Variants in BRD4 observed in about 807,000 individuals in gnomAD.
BRD4 encodes bromodomain-containing protein 4.
Under a neutral mutation model 142.1 loss-of-function variants are expected in BRD4, and 16 were observed. The ratio of observed to expected loss-of-function variants is 0.11; its 90% CI spans 0.08 to 0.17. The LOEUF (loss-of-function observed/expected upper bound fraction) is 0.17. Among genes scored for constraint, BRD4 ranks in the 10% least tolerant of loss-of-function variants. The pLI, the probability that BRD4 is intolerant of heterozygous loss-of-function variation, is 1.00. For synonymous variants in BRD4, 833 were observed against 707.5 expected (o/e 1.18, Z -2.82); for missense variants, 1,424 against 1,810.9 (o/e 0.79, Z 3.88).
chr19:15,310,322 T>G (rs1277091779), intron 1 of BRD4, among the ~76,000 whole-genome samples: 1 of 115,422 alleles, frequency 8.7e-6, no homozygotes, highest in Non-Finnish European at 1.6e-5. Context: ...ACTGGAACTA[T>G]AGGAGCATGG....
chr19:15,288,830 G>C (rs1196353046), intron 1 of BRD4, among the ~76,000 whole-genome samples: 1 of 152,206 alleles, frequency 6.6e-6, no homozygotes, highest in South Asian at 2.1e-4. Flanking sequence ...TGGCACCAGA[G>C]AGAACACGCA....
intron 7 of BRD4, among the ~76,000 whole-genome samples, chr19:15,257,814 G>A (rs1173524428): frequency 6.6e-6 from 1 of 152,184 alleles, no homozygotes. Flanking sequence ...GAGAGGTTTA[G>A]GCAGCAGGTG....
chr19:15,240,119 C>T, intron 14 of BRD4, 97 bp from the exon 15 acceptor site: 1 of 1,470,198 alleles, frequency 6.8e-7, no homozygotes, highest in Non-Finnish European at 9.0e-7. Context: ...TATGGAGAAA[C>T]TGCATGTGCC....
chr19:15,280,150 TTCA>T (rs2047691720), intron 1 of BRD4: 2 of 688,272 alleles, frequency 2.9e-6, no homozygotes, highest in South Asian at 6.5e-5. Context: ...CTTTATCATC[TTCA>T]TCATCATCCC....
chr19:15,299,104 C>T (rs187676721), intron 1 of BRD4, among the ~76,000 whole-genome samples: 28 of 152,254 alleles, frequency 1.8e-4, no homozygotes, highest in Admixed American at 3.3e-4. Context: ...CTAGGTATCC[C>T]CCATTTTGTA....
At chr19:15,261,510 A>C (rs2047471283) in intron 7 of BRD4, among the ~76,000 whole-genome samples, 1 of 152,184 alleles carries the variant, frequency 6.6e-6, no homozygotes, top group South Asian at 2.1e-4. Flanking sequence ...GAAAGAAAGA[A>C]ATTAAAAAGC....
chr19:15,244,473 GGCGGGGGTGGCGGCTGCTGTTGCTGCT>G lies in BRD4; in HGVS notation c.2312_2338del (p.Gln771_Pro779del). 1 of 1,540,596 alleles carries G rather than the reference GGCGGGGGTGGCGGCTGCTGTTGCTGCT, an allele frequency of 6.5e-7. No homozygotes were observed. Among genetic ancestry groups the G allele is most frequent in the Non-Finnish European group, 8.7e-7 (1 of 1,150,640 alleles). ...CTGCTGCGGCATGGAGGGTGGGGGAGGCGGGGGTGGCGGCTGCTGTTGCTGCTGCGGAGGTGGAGGCGGTGGGGGCTG... is the reference window on the plus strand; with the variant it reads ...CTGCTGCGGCATGGAGGGTGGGGGAGGCGGAGGTGGAGGCGGTGGGGGCTG... On this transcript the variant is annotated inframe_deletion, in exon 13 of 20. Transcript: ENST00000679869.
chr19:15,253,440 T>G (rs1369021071), intron 11 of BRD4: 1 of 996,680 alleles, frequency 1.0e-6, no homozygotes, highest in East Asian at 2.6e-5. Context: ...GAAGGTGGGC[T>G]CTAATGGGGA....
chr19:15,274,150 C>T (rs1052115433), intron 1 of BRD4, among the ~76,000 whole-genome samples: 2 of 152,208 alleles, frequency 1.3e-5, no homozygotes, highest in Admixed American at 1.3e-4. Context: ...TATCAGCTTG[C>T]TGGGAACCTT....
chr19:15,288,274 T>A (rs923954305), intron 1 of BRD4, among the ~76,000 whole-genome samples: 2 of 152,156 alleles, frequency 1.3e-5, no homozygotes, highest in African/African-American at 4.8e-5. Context: ...AGAGGTAATA[T>A]CACATCTGCA....
At chr19:15,284,718 T>C (rs2047727871) in intron 1 of BRD4, among the ~76,000 whole-genome samples, 1 of 152,168 alleles carries the variant, frequency 6.6e-6, no homozygotes, top group Non-Finnish European at 1.5e-5. Context: ...TGGAGAGGGA[T>C]GCTTGGAAGT....
intron 1 of BRD4, among the ~76,000 whole-genome samples, chr19:15,274,549 T>C (rs2047625421): frequency 6.6e-6 from 1 of 152,204 alleles, no homozygotes; most frequent in Non-Finnish European, 1.5e-5. Context: ...AGGTAAGTGA[T>C]GGCAGGCAGG....
intron 1 of BRD4, among the ~76,000 whole-genome samples, chr19:15,316,994 G>A (rs888089142): frequency 2.0e-5 from 3 of 152,196 alleles, no homozygotes; most frequent in Non-Finnish European, 4.4e-5. Flanking sequence ...AAGCACTTCT[G>A]AGCTCTACCC....
At chr19:15,249,828 G>A (rs1568380679) in intron 11 of BRD4, among the ~76,000 whole-genome samples, 2 of 152,090 alleles carry the variant, frequency 1.3e-5, no homozygotes, top group African/African-American at 4.8e-5. Context: ...CCCAGTGGAG[G>A]GGAAAGAGCA....
At position 15,243,039 on chromosome 19, in the gene BRD4, C is replaced by A; in HGVS notation, c.3030G>T (p.Gln1010His). The change falls in exon 14 of 20, where the codon CAG becomes CAT. Residue 1010 changes from glutamine to histidine, a missense_variant. Physicochemically the swap from Gln to His is conservative, Grantham distance 24. This residue lies in a region of BRD4 where 598 missense variants were observed against 647.8 expected (regional missense o/e 0.92). Coordinates refer to ENST00000679869, the MANE Select transcript of BRD4 (RefSeq NM_001379291.1). Reference protein sequence around the residue: ...QPMQFSTHIQQPPPPQGQQPP... With the variant: ...QPMQFSTHIQHPPPPQGQQPP... ...GCTGCTGGCCCTGGGGTGGCGGGGG[C>A]TGTTGGATGTGGGTGGAAAACTGCA... 1 of 1,506,974 alleles carries A rather than the reference C, an allele frequency of 6.6e-7. No individual in the cohort carries two copies. The highest frequency in any genetic ancestry group is 8.9e-7 in the Non-Finnish European group (1 of 1,128,576). 93.4% of individuals were successfully genotyped at this position (1,506,974 alleles called of 1,614,324 possible).
intron 6 of BRD4, 56 bp from the exon 7 acceptor site, chr19:15,263,604 G>A (rs558856554): frequency 1.2e-6 from 2 of 1,602,332 alleles, no homozygotes; most frequent in African/African-American, 2.7e-5. Flanking sequence ...CCATGGAGAA[G>A]TGGCTGGCAG....
At chr19:15,289,294 A>C (rs140147042) in intron 1 of BRD4, among the ~76,000 whole-genome samples, 42 of 152,304 alleles carry the variant, frequency 2.8e-4, no homozygotes, top group African/African-American at 9.9e-4. Flanking sequence ...GCTCACGCCT[A>C]TAATCCCAGC....
chr19:15,247,436 CA>C (rs2047298814), intron 11 of BRD4: 1 of 232,890 alleles, frequency 4.3e-6, no homozygotes, highest in African/African-American at 2.2e-5. Flanking sequence ...TCAAGTTCAA[CA>C]AGCCCTGAAC....
chr19:15,328,908 G>C (rs1204375758), intron 1 of BRD4, among the ~76,000 whole-genome samples: 2 of 152,132 alleles, frequency 1.3e-5, no homozygotes, highest in Non-Finnish European at 2.9e-5. Flanking sequence ...CGAGTAGCTG[G>C]GATTACAGGC....
Sources: allele counts gnomAD v4.1 joint callset (sites outside exome capture counted in the v4.1 genomes callset), GRCh38; gene constraint gnomAD v4.1.1; regional missense constraint gnomAD v4.1.1; transcripts MANE v1.5; gene names NCBI Gene and HGNC (gene_info 2026-07-23, HGNC 2026-07-21).